Variants in MINAR1 observed in about 807,000 individuals in gnomAD.
MINAR1 encodes the protein major intrinsically disordered Notch2-binding receptor 1.
MINAR1 carries 40 observed loss-of-function variants against 65.1 expected under a neutral mutation model. That is an observed-to-expected ratio of 0.61 (90% CI 0.48 to 0.80). MINAR1 has a LOEUF of 0.80. MINAR1 is among the 30% of genes least tolerant of loss of function. MINAR1 has a pLI of 0.00. For synonymous variants in MINAR1, 482 were observed against 449.1 expected (o/e 1.07, Z -0.93); for missense variants, 1,128 against 1,148.0 (o/e 0.98, Z 0.25).
chr15:79,445,552 T>TTA (rs1555427883), intron 1 of MINAR1, among the ~76,000 whole-genome samples: 107 of 147,474 alleles, frequency 7.3e-4, no homozygotes, highest in African/African-American at 2.1e-3. Flanking sequence ...TGACAGTTAT[T>TTA]TTTTTTTTTT....
At chr15:79,417,838 G>A in the MINAR1 span, 1 of 152,206 alleles carries the variant, frequency 6.6e-6, no homozygotes, top group Non-Finnish European at 1.5e-5. Context: ...GTTCCTGGTA[G>A]ATACAAAAGC....
At position 79,456,563 on chromosome 15, in the gene MINAR1, G is replaced by C. The variant is rs146075963; in HGVS notation, c.416G>C (p.Cys139Ser). Residue 139 changes from cysteine (C) to serine (S), a missense_variant, in exon 2 of 4, where the codon TGT (cysteine) becomes TCT (serine). By Grantham distance (112) the Cys-to-Ser change is moderately radical. Transcript: ENST00000305428. ...CNAAECEPLN[C>S]ELSERSFSRG... Reference sequence around the variant, plus strand: ...GCAGCTGAGTGTGAGCCCCTGAACTGTGAGCTGAGTGAGAGGTCTTTCAGC... The same window carrying C: ...GCAGCTGAGTGTGAGCCCCTGAACTCTGAGCTGAGTGAGAGGTCTTTCAGC... 1 of 1,614,128 alleles carries C rather than the reference G, an allele frequency of 6.2e-7. No individual in the cohort carries two copies. Among genetic ancestry groups the C allele is most frequent in the Non-Finnish European group, 8.5e-7 (1 of 1,180,010 alleles).
chr15:79,419,855 A>G, the MINAR1 span: 2 of 152,196 alleles, frequency 1.3e-5, no homozygotes, highest in East Asian at 3.8e-4. Context: ...AAGGCCCCCA[A>G]ATCTACTTAA....
intron 1 of MINAR1, among the ~76,000 whole-genome samples, chr15:79,442,013 A>G (rs1894882743): frequency 6.6e-6 from 1 of 150,504 alleles, no homozygotes; most frequent in Non-Finnish European, 1.5e-5. Flanking sequence ...ATGAAATGCA[A>G]GAATTTTCTG....
At chr15:79,465,953 G>A (rs1895834463) in intron 3 of MINAR1, among the ~76,000 whole-genome samples, 1 of 152,156 alleles carries the variant, frequency 6.6e-6, no homozygotes, top group African/African-American at 2.4e-5. Flanking sequence ...GGCTCAAGCA[G>A]GAGGAAGAGG....
rs770176990 is a variant in MINAR1 at position 79,463,138 on chromosome 15, G to A, written c.2370G>A (p.Glu790=). Reference sequence around the variant, plus strand: ...AGCCCAAAGATGGCTTCCTGGTGGAGCAGGTGTTCAGCCCTCACCCCTACC... The same window carrying A: ...AGCCCAAAGATGGCTTCCTGGTGGAACAGGTGTTCAGCCCTCACCCCTACC... ...PKQPKDGFLV[E]QVFSPHPYPA... Residue 790 remains glutamate (E), a synonymous_variant, in exon 3 of 4, where the codon GAG becomes GAA. Coordinates refer to ENST00000305428, the MANE Select transcript of MINAR1 (RefSeq NM_015206.3). 1 of 1,614,194 alleles carries A rather than the reference G, an allele frequency of 6.2e-7. No individual in the cohort carries two copies. The highest frequency in any genetic ancestry group is 2.2e-5 in the East Asian group (1 of 44,882).
chr15:79,432,532 G>C lies in MINAR1; in HGVS notation c.-59G>C, dbSNP rs527295961. On this transcript the variant is annotated 5_prime_UTR_variant, in exon 1 of 4. Coordinates refer to ENST00000305428, the MANE Select transcript of MINAR1 (RefSeq NM_015206.3). ...GAAGGGCGGGCCCTGCGCCCGGGGC[G>C]CCTCGGAGGTAAGTTCGGAGAGCCC... The C allele has an allele frequency of 4.6e-5, 7 of 152,468 alleles. No homozygotes were observed. The highest frequency in any genetic ancestry group is 9.6e-5 in the African/African-American group (4 of 41,466). 9.4% of individuals were successfully genotyped at this position (152,468 alleles called of 1,614,324 possible).
At chr15:79,427,478 G>A (rs1894341064), upstream of MINAR1, 1 of 152,156 alleles carries the variant, frequency 6.6e-6, no homozygotes, top group African/African-American at 2.4e-5. Flanking sequence ...TTGGCAATCT[G>A]CTACTATCAA....
chr15:79,456,071 C>T (rs60859788), intron 1 of MINAR1, 27 bp from the exon 2 acceptor site: 22 of 1,437,120 alleles, frequency 1.5e-5, no homozygotes, highest in Non-Finnish European at 1.9e-5. Flanking sequence ...TCTTTTCCTC[C>T]TCTCTTTCTC....
chr15:79,467,362 ATAT>A (rs1391823770), intron 3 of MINAR1, among the ~76,000 whole-genome samples: 2 of 152,264 alleles, frequency 1.3e-5, no homozygotes, highest in Non-Finnish European at 2.9e-5. Flanking sequence ...TGTGACACTC[ATAT>A]TATTAAATGC....
chr15:79,458,092 T>C lies in MINAR1; in HGVS notation c.1945T>C (p.Leu649=). The change falls in exon 2 of 4, where the codon TTG becomes CTG. Residue 649 remains leucine (L), a synonymous_variant. Coordinates refer to ENST00000305428, the MANE Select transcript of MINAR1 (RefSeq NM_015206.3). ...GAGTGTGCAGATAGATCTGAACTCC[T>C]TGACAAGCGAGGGTCCGTCTGATGA... ...KVSVQIDLNS[L]TSEGPSDDSA... is the part of the protein sequence containing the mutation. 1 of 1,614,166 alleles carries C rather than the reference T, an allele frequency of 6.2e-7. No homozygotes were observed. The highest frequency in any genetic ancestry group is 1.1e-5 in the South Asian group (1 of 91,080).
rs1404948903 is a variant in MINAR1 at position 79,458,307 on chromosome 15, G to A, written c.2160G>A (p.Glu720=). 6.2e-7 allele frequency: 1 copy of A among 1,614,150 alleles called. No individual in the cohort carries two copies. Among genetic ancestry groups the A allele is most frequent in the East Asian group, 2.2e-5 (1 of 44,880 alleles). ...RSLTEENSAT[E]SKIASISNSP... ...TAACAGAGGAGAACAGTGCCACAGA[G>A]TCCAAAATTGCCAGCATCTCCAACT... is the stretch of plus-strand genomic sequence containing the variant. The change falls in exon 2 of 4, where the codon GAG becomes GAA. Residue 720 remains glutamate, a synonymous_variant. Coordinates refer to ENST00000305428, the MANE Select transcript of MINAR1 (RefSeq NM_015206.3).
the MINAR1 span, chr15:79,421,344 C>T: frequency 2.0e-5 from 3 of 152,178 alleles, no homozygotes; most frequent in South Asian, 6.2e-4. Flanking sequence ...ATGGAGGGCA[C>T]AGTGACCTGC....
rs144480380 is a variant in MINAR1, at chr15:79,470,959, T to A, written c.*2575T>A. Reference sequence around the variant, plus strand: ...AGGTGAGGTTCACAGTTGGAGCTTTTCTTGCCATTGACCCCAAGCTCACCC... The same window carrying A: ...AGGTGAGGTTCACAGTTGGAGCTTTACTTGCCATTGACCCCAAGCTCACCC... On this transcript the variant is annotated 3_prime_UTR_variant, in exon 4 of 4. Transcript: ENST00000305428. 7 of 152,336 alleles carry A rather than the reference T, an allele frequency of 4.6e-5. No individual in the cohort carries two copies. In the East Asian group the frequency reaches 1.2e-3, roughly 25 times the overall value. 9.4% of individuals were successfully genotyped at this position (152,336 alleles called of 1,614,324 possible).
intron 2 of MINAR1, among the ~76,000 whole-genome samples, chr15:79,458,659 C>T (rs1895532115): frequency 6.6e-6 from 1 of 152,194 alleles, no homozygotes; most frequent in African/African-American, 2.4e-5. Context: ...AGGAGGAGCA[C>T]ATGCTGCGAT....
the MINAR1 span, chr15:79,411,577 C>A: frequency 1.4e-6 from 1 of 692,338 alleles, no homozygotes; most frequent in East Asian, 2.7e-5. Context: ...TGGGAGGAAG[C>A]TGCTGCACAG....
intron 1 of MINAR1, among the ~76,000 whole-genome samples, chr15:79,454,910 T>C (rs1895357520): frequency 7.8e-6 from 1 of 128,618 alleles, no homozygotes; most frequent in Non-Finnish European, 1.7e-5. Context: ...TCATTGTACG[T>C]ACATTTTACA....
chr15:79,466,534 T>TC (rs1159678643), intron 3 of MINAR1, among the ~76,000 whole-genome samples: 1 of 152,244 alleles, frequency 6.6e-6, no homozygotes, highest in African/African-American at 2.4e-5. Flanking sequence ...TGATTTTTTT[T>TC]CAACCATTTA....
At chr15:79,433,334 C>T (rs565684500) in intron 1 of MINAR1, among the ~76,000 whole-genome samples, 6 of 152,356 alleles carry the variant, frequency 3.9e-5, no homozygotes, top group African/African-American at 1.4e-4. Flanking sequence ...AAGATTGTTA[C>T]TGTGGTAAGC....
Sources: allele counts gnomAD v4.1 joint callset (sites outside exome capture counted in the v4.1 genomes callset), GRCh38; gene constraint gnomAD v4.1.1; transcripts MANE v1.5; gene names NCBI Gene and HGNC (gene_info 2026-07-23, HGNC 2026-07-21).